The following ISY1 variants were observed in gnomAD, a reference collection of about 807,000 sequenced individuals.
ISY1 encodes the protein pre-mRNA-splicing factor ISY1 homolog.
In ISY1, 12 loss-of-function variants were observed where a neutral mutation model predicts 54.4. The ratio of observed to expected loss-of-function variants is 0.22; its 90% CI spans 0.14 to 0.36. The LOEUF is 0.36. Among genes scored for constraint, ISY1 ranks in the 10% least tolerant of loss-of-function variants. The probability of loss-of-function intolerance (pLI) is 1.00; values close to 1 mark genes in which losing one functional copy is unlikely to be tolerated. For synonymous variants in ISY1, 96 were observed against 117.9 expected, an observed-to-expected ratio of 0.81 and a Z score of 1.20; for missense variants, 282 against 342.2, an observed-to-expected ratio of 0.82 and a Z score of 1.39.
chr3:129,152,284 C>T (rs1249718308), intron 5 of ISY1, among the ~76,000 whole-genome samples: 2 of 152,196 alleles, frequency 1.3e-5, no homozygotes, highest in Non-Finnish European at 2.9e-5. Context: ...TTAGATCATA[C>T]AGTTTTTCTT....
At chr3:129,153,038 G>T (rs1164749062) in intron 5 of ISY1, among the ~76,000 whole-genome samples, 1 of 129,386 alleles carries the variant, frequency 7.7e-6, no homozygotes, top group Non-Finnish European at 1.6e-5. Context: ...GAGATGGACT[G>T]TCGCTCTGTC....
chr3:129,140,291 A>G lies in ISY1; in HGVS notation c.418+77T>C, dbSNP rs1266974650. 2.3e-6 allele frequency: 3 copies of G among 1,303,504 alleles called. No individual in the cohort carries two copies. The African/African-American group carries it at 4.5e-5, about 19-fold the overall frequency. 80.7% of individuals were successfully genotyped at this position (1,303,504 alleles called of 1,614,324 possible). ...GTTATGCAACTAAGAAAAAAAAGTAAGAGCAGTTAGCATATAGCATATCTA... is the reference window on the plus strand; with the variant it reads ...GTTATGCAACTAAGAAAAAAAAGTAGGAGCAGTTAGCATATAGCATATCTA... On this transcript the variant is annotated intron_variant, in intron 7 of 10. Transcript: ENST00000393295.
At position 129,129,413 on chromosome 3, in the gene ISY1, C is replaced by T. The variant is rs1318201246; in HGVS notation, c.*668G>A. On this transcript the variant is annotated 3_prime_UTR_variant, in exon 11 of 11. Transcript: ENST00000393295. ...TTTTTGGGACAGAGTCTCACTCTGT[C>T]GCCAGGCTGGAGTGCAATGGCACGA... 2 of 147,542 alleles carry T rather than the reference C, an allele frequency of 1.4e-5. No individual in the cohort carries two copies. The highest frequency in any genetic ancestry group is 2.0e-4 in the East Asian group (1 of 4,990). 9.1% of individuals were successfully genotyped at this position (147,542 alleles called of 1,614,324 possible).
intron 1 of ISY1, among the ~76,000 whole-genome samples, chr3:129,159,873 C>T (rs1937253998): frequency 6.6e-6 from 1 of 152,170 alleles, no homozygotes; most frequent in African/African-American, 2.4e-5. Context: ...ACCAGGCATG[C>T]AATTTATAGA....
Position 129,128,332 on chromosome 3 carries a change from G to A in ISY1, c.*1749C>T, listed in dbSNP as rs537966347. On this transcript the variant is annotated 3_prime_UTR_variant, in exon 11 of 11. Transcript: ENST00000393295. ...CTGAGGGCTGGGATTGGCCAGCCCA[G>A]CCCTCAGGGAAGCCAGGAGGCAGGG... The A allele has an allele frequency of 4.4e-4, 67 of 151,996 alleles. 1 individual carries two copies. The highest frequency in any genetic ancestry group is 7.9e-4 in the Non-Finnish European group (54 of 67,986). The allele number at this position is 151,996 out of a possible 1,614,324, so 9.4% of individuals were successfully genotyped here.
chr3:129,134,748 A>G, intron 8 of ISY1, 84 bp downstream of exon 8: 1 of 1,481,046 alleles, frequency 6.8e-7, no homozygotes. Context: ...TTCTGGCATA[A>G]AGCACTATTG....
At chr3:129,131,947 AG>A (rs2107599354) in intron 9 of ISY1, among the ~76,000 whole-genome samples, 1 of 152,284 alleles carries the variant, frequency 6.6e-6, no homozygotes, top group Non-Finnish European at 1.5e-5. Context: ...CTCACACCTC[AG>A]CCTCCTGAGT....
rs552848780 is a variant in ISY1 at position 129,140,580 on chromosome 3, C to A, written c.301-95G>T. Reference sequence around the variant, plus strand: ...TTGAGGCGGAGTCTCGCTCTGTTGCCCATTTATTTATTTGAGGTGGAGTCT... The same window carrying A: ...TTGAGGCGGAGTCTCGCTCTGTTGCACATTTATTTATTTGAGGTGGAGTCT... On this transcript the variant is annotated intron_variant, in intron 6 of 10. Transcript: ENST00000393295. 4.1e-4 allele frequency: 550 copies of A among 1,332,530 alleles called. 3 individuals are homozygous for A. The Admixed American group carries it at 4.3e-3, about 10-fold the overall frequency. The allele number at this position is 1,332,530 out of a possible 1,614,324, so 82.5% of individuals were successfully genotyped here.
intron 6 of ISY1, among the ~76,000 whole-genome samples, chr3:129,144,958 T>A (rs547113902): frequency 6.6e-6 from 1 of 152,216 alleles, no homozygotes; most frequent in African/African-American, 2.4e-5. Flanking sequence ...GCACCCAGGC[T>A]GAGGTGCAAT....
At chr3:129,159,102 G>A in intron 2 of ISY1, 52 bp downstream of exon 2, 3 of 1,592,924 alleles carry the variant, frequency 1.9e-6, no homozygotes, top group Non-Finnish European at 2.6e-6. Context: ...AGAGTTACAT[G>A]GTGGTTTTTA....
chr3:129,147,322 A>G (rs1015002621), intron 5 of ISY1, among the ~76,000 whole-genome samples: 6 of 152,058 alleles, frequency 3.9e-5, no homozygotes, highest in Admixed American at 6.6e-5. Flanking sequence ...GGTTGCACTG[A>G]GCCAAGATCA....
At chr3:129,157,280 T>C (rs1937169806) in intron 3 of ISY1, among the ~76,000 whole-genome samples, 1 of 151,884 alleles carries the variant, frequency 6.6e-6, no homozygotes, top group Admixed American at 6.6e-5. Context: ...GTATATAAAA[T>C]TAAAAAAAAA....
In ISY1 at chr3:129,134,905, A is replaced by C. The variant is rs777150760; in HGVS notation, c.468T>G (p.Asp156Glu). 2 of 1,611,548 alleles carry C rather than the reference A, an allele frequency of 1.2e-6. No homozygotes were observed. The highest frequency in any genetic ancestry group is 1.7e-6 in the Non-Finnish European group (2 of 1,178,234). The change falls in exon 8 of 11, where the codon GAT (aspartate) becomes GAG (glutamate). Residue 156 changes from aspartate (D) to glutamate (E), a missense_variant. This residue lies in a region of ISY1 where 279 missense variants were observed against 323.6 expected (regional missense o/e 0.86). Coordinates refer to ENST00000393295, the MANE Select transcript of ISY1 (RefSeq NM_020701.4). ...KTRAELMKAI[D>E]FEYYGYLDED... ...CATCTAGGTAACCATAGTACTCAAA[A>C]TCGATTGCCTTCATGAGCTCAGCAC... is the stretch of plus-strand genomic sequence containing the variant.
rs578242448 is a variant in ISY1 at position 129,127,648 on chromosome 3, T to G, written c.*2433A>C. 2.3e-4 allele frequency: 35 copies of G among 152,414 alleles called. No homozygotes were observed. Among genetic ancestry groups the G allele is most frequent in the African/African-American group, 8.4e-4 (35 of 41,546 alleles). 9.4% of individuals were successfully genotyped at this position (152,414 alleles called of 1,614,324 possible). On this transcript the variant is annotated 3_prime_UTR_variant, in exon 11 of 11. Transcript: ENST00000393295. The stretch of plus-strand genomic sequence containing the variant: ...AGCAAGGGCCTCTGCCAGGAACACC[T>G]AGAGGATGTCCAGCTGGGTGCTTCT...
At chr3:129,148,201 G>A (rs1936832640) in intron 5 of ISY1, among the ~76,000 whole-genome samples, 3 of 152,114 alleles carry the variant, frequency 2.0e-5, no homozygotes. Context: ...CCATTCACCA[G>A]AAGGACCTTT....
chr3:129,131,543 ATG>A (rs1057435279), intron 9 of ISY1, among the ~76,000 whole-genome samples: 3 of 152,002 alleles, frequency 2.0e-5, no homozygotes, highest in Non-Finnish European at 4.4e-5. Context: ...GGTATTTGCT[ATG>A]TGTGTGTGTG....
intron 9 of ISY1, among the ~76,000 whole-genome samples, chr3:129,131,369 A>G (rs1936234773): frequency 6.6e-6 from 1 of 152,228 alleles, no homozygotes; most frequent in Admixed American, 6.5e-5. Flanking sequence ...CCCAATCTGG[A>G]CACAACACAA....
At chr3:129,136,322 G>C (rs986949109) in intron 7 of ISY1, among the ~76,000 whole-genome samples, 1 of 151,848 alleles carries the variant, frequency 6.6e-6, no homozygotes, top group Non-Finnish European at 1.5e-5. Context: ...GGCAAGTCTC[G>C]AACTCCTGAC....
intron 6 of ISY1, among the ~76,000 whole-genome samples, chr3:129,145,175 T>C (rs904630401): frequency 1.2e-4 from 18 of 151,590 alleles, no homozygotes; most frequent in African/African-American, 4.1e-4. Flanking sequence ...CCTCCCAAAG[T>C]GCTAGGATTA....
Sources: gnomAD v4.1 joint callset for allele counts (sites outside exome capture counted in the v4.1 genomes callset) on GRCh38, gnomAD v4.1.1 for gene constraint, gnomAD v4.1.1 regional missense constraint, MANE v1.5 for transcripts, NCBI Gene and HGNC (gene_info 2026-07-23, HGNC 2026-07-21) for gene names.